PPFIA2: variants seen among roughly 807,000 people sequenced by gnomAD.
PPFIA2 encodes the protein liprin-alpha-2.
PPFIA2 carries 46 observed loss-of-function variants against 175.5 expected under a neutral mutation model. The observed-to-expected ratio is 0.26, with a 90% confidence interval of 0.21 to 0.34. The LOEUF (loss-of-function observed/expected upper bound fraction) is 0.34. Among genes scored for constraint, PPFIA2 ranks in the 10% least tolerant of loss-of-function variants. PPFIA2 has a pLI of 1.00. For synonymous variants in PPFIA2, 568 were observed against 511.4 expected (o/e 1.11, Z -1.49); for missense variants, 1,179 against 1,506.1 (o/e 0.78, Z 3.60).
At chr12:81,278,972 C>T (rs1368075578) in intron 27 of PPFIA2, among the ~76,000 whole-genome samples, 2 of 152,084 alleles carry the variant, frequency 1.3e-5, no homozygotes, top group Non-Finnish European at 2.9e-5. Context: ...AAGAAAATTG[C>T]ATTAGGCAGG....
rs145040703 is a variant in PPFIA2 at position 81,443,229 on chromosome 12, T to C, written c.570+2327A>G. Among the ~76,000 whole-genome samples, 370 of 152,074 alleles carry C rather than the reference T, an allele frequency of 2.4e-3. 1 individual carries two copies. Among genetic ancestry groups the C allele is most frequent in the African/African-American group, 8.6e-3 (356 of 41,506 alleles). On this transcript the variant is annotated intron_variant, in intron 6 of 32. Transcript: ENST00000549396. ...CTCATGATGACTCTGAGGTCAGTAC[T>C]AGGATTATCTTAATTCAAGATAAGA...
intron 4 of PPFIA2, among the ~76,000 whole-genome samples, chr12:81,587,349 CT>C (rs1768107794): frequency 6.6e-6 from 1 of 151,968 alleles, no homozygotes; most frequent in South Asian, 2.1e-4. Context: ...CACTTTCTCT[CT>C]CTTGCCTGCC....
At chr12:81,384,496 A>C (rs1228982130) in intron 8 of PPFIA2, among the ~76,000 whole-genome samples, 1 of 152,074 alleles carries the variant, frequency 6.6e-6, no homozygotes, top group South Asian at 2.1e-4. Context: ...CTCTCTCTAT[A>C]TATAAAACAT....
intron 8 of PPFIA2, among the ~76,000 whole-genome samples, chr12:81,386,361 C>T (rs2038963562): frequency 6.6e-6 from 1 of 151,484 alleles, no homozygotes; most frequent in Admixed American, 6.6e-5. Flanking sequence ...TGGTGGCTGG[C>T]TCTTGTAATC....
chr12:81,714,586 T>G (rs188976340), intron 3 of PPFIA2, among the ~76,000 whole-genome samples: 1 of 151,148 alleles, frequency 6.6e-6, no homozygotes, highest in Admixed American at 6.8e-5. Context: ...AAGCACACCC[T>G]CAGAGTGGTT....
intron 22 of PPFIA2, among the ~76,000 whole-genome samples, chr12:81,301,074 G>T (rs12314993): frequency 2.7e-4 from 41 of 152,208 alleles, no homozygotes; most frequent in Admixed American, 1.3e-3. Flanking sequence ...TAGAAAAGGG[G>T]TTAATAGCCA....
intron 4 of PPFIA2, among the ~76,000 whole-genome samples, chr12:81,483,608 G>A (rs1214072921): frequency 6.6e-6 from 1 of 151,808 alleles, no homozygotes; most frequent in Non-Finnish European, 1.5e-5. Context: ...GGTGGTGAAG[G>A]TTGCTCAACT....
intron 3 of PPFIA2, among the ~76,000 whole-genome samples, chr12:81,700,306 G>T (rs1224062454): frequency 6.6e-6 from 1 of 151,930 alleles, no homozygotes; most frequent in Non-Finnish European, 1.5e-5. Flanking sequence ...ATATGTAAAT[G>T]AAAATATTTT....
At chr12:81,710,871 C>T (rs2077810752) in intron 3 of PPFIA2, among the ~76,000 whole-genome samples, 1 of 151,348 alleles carries the variant, frequency 6.6e-6, no homozygotes, top group Non-Finnish European at 1.5e-5. Flanking sequence ...TGCACATTAG[C>T]TATGCTCAAT....
intron 5 of PPFIA2, among the ~76,000 whole-genome samples, chr12:81,447,497 A>G (rs2051514513): frequency 6.6e-6 from 1 of 152,090 alleles, no homozygotes; most frequent in South Asian, 2.1e-4. Flanking sequence ...CTCATTCTTT[A>G]AGTCTCAGCT....
intron 4 of PPFIA2, among the ~76,000 whole-genome samples, chr12:81,659,233 G>A (rs571022229): frequency 4.9e-4 from 75 of 152,120 alleles, no homozygotes; most frequent in Non-Finnish European, 9.4e-4. Context: ...CAGTGGTACA[G>A]TGCACCAAGT....
intron 4 of PPFIA2, among the ~76,000 whole-genome samples, chr12:81,544,241 T>C (rs2066649032): frequency 6.6e-6 from 1 of 152,150 alleles, no homozygotes; most frequent in Admixed American, 6.6e-5. Context: ...AAAAAATAGA[T>C]CTTTATTTTT....
chr12:81,335,407 A>T (rs1464922576), intron 21 of PPFIA2, among the ~76,000 whole-genome samples: 2 of 152,074 alleles, frequency 1.3e-5, no homozygotes, highest in African/African-American at 4.8e-5. Flanking sequence ...TACAAACCAA[A>T]CCTGTTTATT....
At chr12:81,728,462 T>G (rs1396643978) in intron 3 of PPFIA2, among the ~76,000 whole-genome samples, 1 of 151,464 alleles carries the variant, frequency 6.6e-6, no homozygotes, top group African/African-American at 2.4e-5. Flanking sequence ...TATTTTCCAC[T>G]ACAGCATAAT....
intron 4 of PPFIA2, among the ~76,000 whole-genome samples, chr12:81,520,681 G>T (rs975006324): frequency 6.6e-6 from 1 of 152,194 alleles, no homozygotes. Context: ...TGAAGGATAG[G>T]AAGTAGTCAG....
chr12:81,350,489 G>A (rs2059829251), intron 17 of PPFIA2: 2 of 152,300 alleles, frequency 1.3e-5, no homozygotes, highest in Admixed American at 1.3e-4. Context: ...GGTAACATGA[G>A]TGAAATGTTA....
chr12:81,463,180 A>G (rs975955655), intron 4 of PPFIA2, among the ~76,000 whole-genome samples: 2 of 152,094 alleles, frequency 1.3e-5, no homozygotes, highest in African/African-American at 4.8e-5. Flanking sequence ...ATCTTTGTAC[A>G]GCAACATGGA....
At chr12:81,682,822 C>A (rs1444825827) in intron 3 of PPFIA2, among the ~76,000 whole-genome samples, 3 of 152,008 alleles carry the variant, frequency 2.0e-5, no homozygotes, top group African/African-American at 7.2e-5. Flanking sequence ...CCAATGACAT[C>A]CTATCGTTCA....
chr12:81,603,594 C>T (rs1014379132), intron 4 of PPFIA2, among the ~76,000 whole-genome samples: 1 of 151,400 alleles, frequency 6.6e-6, no homozygotes, highest in African/African-American at 2.4e-5. Context: ...CAAATGTGGA[C>T]ATTAATTTAG....
Sources: allele counts gnomAD v4.1 joint callset (sites outside exome capture counted in the v4.1 genomes callset), GRCh38; gene constraint gnomAD v4.1.1; transcripts MANE v1.5; gene names NCBI Gene and HGNC (gene_info 2026-07-23, HGNC 2026-07-21).